Variants in GALNT10 observed in about 807,000 individuals in gnomAD.
GALNT10 encodes the protein polypeptide N-acetylgalactosaminyltransferase 10.
In GALNT10, 41 loss-of-function variants were observed where a neutral mutation model predicts 75.0. The ratio of observed to expected loss-of-function variants is 0.55; its 90% CI spans 0.43 to 0.71. The LOEUF is 0.71. GALNT10 is among the 30% of genes least tolerant of loss of function. The probability of loss-of-function intolerance (pLI) is 0.00; values close to 1 mark genes in which losing one functional copy is unlikely to be tolerated. For missense variants in GALNT10, 727 were observed against 818.5 expected (o/e 0.89, Z 1.36); for synonymous variants, 302 against 313.0 (o/e 0.96, Z 0.37).
intron 4 of GALNT10, among the ~76,000 whole-genome samples, chr5:154,334,082 CA>C: frequency 6.6e-6 from 1 of 152,218 alleles, no homozygotes; most frequent in Non-Finnish European, 1.5e-5. Context: ...AGCTGAAATT[CA>C]TAGATGCTAA....
intron 4 of GALNT10, among the ~76,000 whole-genome samples, chr5:154,331,152 A>G (rs1447642442): frequency 6.6e-6 from 1 of 152,112 alleles, no homozygotes; most frequent in Non-Finnish European, 1.5e-5. Context: ...GGACTACCAC[A>G]TTGGTCCTGT....
Position 154,409,968 on chromosome 5 carries a change from CT to C in GALNT10, c.1386+209del, listed in dbSNP as rs1373546821. ...TGTTCTCAGTGTAGAAAAATTAAAA[CT>C]TTAAGTTATTAGCATGAATTTTACC... is the stretch of plus-strand genomic sequence containing the variant. On this transcript the variant is annotated intron_variant, in intron 9 of 11. Transcript: ENST00000297107. This position sits in a 1 kb window ranked among gnomAD's most constrained non-coding sequence, Gnocchi z 4.5. 6.6e-6 allele frequency among the ~76,000 whole-genome samples: 1 copy of C among 152,124 alleles called. No homozygotes were observed. Among genetic ancestry groups the C allele is most frequent in the African/African-American group, 2.4e-5 (1 of 41,410 alleles).
intron 1 of GALNT10, among the ~76,000 whole-genome samples, chr5:154,276,294 C>T (rs1049743928): frequency 1.3e-5 from 2 of 152,158 alleles, no homozygotes; most frequent in Non-Finnish European, 2.9e-5. Context: ...GGTTTTTGTG[C>T]AGGCCAGGGG....
chr5:154,217,902 T>C (rs1280137661), intron 1 of GALNT10: 3 of 568,996 alleles, frequency 5.3e-6, no homozygotes, highest in Non-Finnish European at 6.7e-6. Flanking sequence ...TTGGAGAGAC[T>C]GTTGTACTTT....
At chr5:154,279,058 C>A (rs1184859104) in intron 1 of GALNT10, among the ~76,000 whole-genome samples, 1 of 152,152 alleles carries the variant, frequency 6.6e-6, no homozygotes, top group East Asian at 1.9e-4. Flanking sequence ...CTTTTAGATA[C>A]ATACCTAAAA....
At chr5:154,400,714 T>A in intron 7 of GALNT10, among the ~76,000 whole-genome samples, 1 of 152,096 alleles carries the variant, frequency 6.6e-6, no homozygotes, top group East Asian at 1.9e-4. Context: ...GAGAAGCCCC[T>A]GAGGAGGTGG....
Position 154,352,569 on chromosome 5 carries a change from G to A in GALNT10, c.568+22831G>A, listed in dbSNP as rs561248026. Among the ~76,000 whole-genome samples the A allele has an allele frequency of 1.3e-5, 2 of 152,300 alleles. No homozygotes were observed. Among genetic ancestry groups the A allele is most frequent in the Admixed American group, 6.5e-5 (1 of 15,304 alleles). On this transcript the variant is annotated intron_variant, in intron 4 of 11. Transcript: ENST00000297107. The surrounding 1 kb of genome is among the most constrained non-coding windows in gnomAD (Gnocchi z 4.4). ...ATCGCACAGCTAGTAAACGGAAGCT[G>A]GGAGCTTCCCTGGGCTGGGTGGGCC...
intron 7 of GALNT10, chr5:154,392,413 C>G (rs1033407934): frequency 6.6e-6 from 1 of 152,130 alleles, no homozygotes; most frequent in African/African-American, 2.4e-5. Flanking sequence ...TTGGTACTAC[C>G]CTTCCCAGAC....
chr5:154,406,010 G>A (rs1183491392), intron 8 of GALNT10: 5 of 151,820 alleles, frequency 3.3e-5, no homozygotes, highest in Non-Finnish European at 7.4e-5. Flanking sequence ...TTCGAGCCAG[G>A]CATGCAAAGC....
chr5:154,252,073 C>A (rs910831486), intron 1 of GALNT10, among the ~76,000 whole-genome samples: 3 of 152,052 alleles, frequency 2.0e-5, no homozygotes, highest in African/African-American at 7.2e-5. Flanking sequence ...TCTTGTCTTA[C>A]CCATGTTATA....
At chr5:154,288,443 T>TG (rs1754145780) in intron 1 of GALNT10, among the ~76,000 whole-genome samples, 3 of 148,774 alleles carry the variant, frequency 2.0e-5, no homozygotes, top group South Asian at 2.1e-4. Flanking sequence ...TGTGTGTGTG[T>TG]TTGAACACTA....
In GALNT10 at chr5:154,350,564, C is replaced by A. The variant is rs543816976; in HGVS notation, c.568+20826C>A. Among the ~76,000 whole-genome samples, 3 of 152,240 alleles carry A rather than the reference C, an allele frequency of 2.0e-5. No homozygotes were observed. The South Asian group carries it at 6.2e-4, about 32-fold the overall frequency. ...CATAATGCTGCTTATCATACAAAAA[C>A]CAATGGAAGTAGCCAGTAGCATGCT... On this transcript the variant is annotated intron_variant, in intron 4 of 11. Coordinates refer to ENST00000297107, the MANE Select transcript of GALNT10 (RefSeq NM_198321.4).
rs200382013 is a variant in GALNT10, at chr5:154,320,357, C to CT, written c.402-9214dup. On this transcript the variant is annotated intron_variant, in intron 3 of 11. Transcript: ENST00000297107. ...TTAATGCATGATGGTGTTTGTGTGTCTAACTGCAGGCTGTGGGGCCCGGCT... is the reference window on the plus strand; with the variant it reads ...TTAATGCATGATGGTGTTTGTGTGTCTTAACTGCAGGCTGTGGGGCCCGGCT... Among the ~76,000 whole-genome samples the CT allele has an allele frequency of 9.2e-3, 1,397 of 152,292 alleles. 15 individuals carry two copies. The highest frequency in any genetic ancestry group is 0.032 in the African/African-American group (1,319 of 41,556).
At chr5:154,318,047 C>T (rs1754621037) in intron 3 of GALNT10, among the ~76,000 whole-genome samples, 1 of 152,230 alleles carries the variant, frequency 6.6e-6, no homozygotes, top group South Asian at 2.1e-4. Context: ...AGGTGCCTGT[C>T]CTAGAACTAC....
chr5:154,288,239 A>G (rs1236316280), intron 1 of GALNT10, among the ~76,000 whole-genome samples: 1 of 152,200 alleles, frequency 6.6e-6, no homozygotes, highest in Non-Finnish European at 1.5e-5. Flanking sequence ...TAGCCAGCTC[A>G]GCCAGAGATG....
chr5:154,274,759 A>G (rs1034241484), intron 1 of GALNT10, among the ~76,000 whole-genome samples: 1 of 152,236 alleles, frequency 6.6e-6, no homozygotes, highest in African/African-American at 2.4e-5. Context: ...TAATAAACTA[A>G]AAATCAAGAA....
At chr5:154,219,834 T>TCACACACACACA (rs763537693) in intron 1 of GALNT10, among the ~76,000 whole-genome samples, 4,643 of 129,420 alleles carry the variant, frequency 0.036, 126 homozygotes, top group Admixed American at 0.095. Context: ...TCTCTCTCTC[T>TCACACACACACA]CTCTCACACA....
chr5:154,308,389 C>T (rs1581966450), intron 3 of GALNT10, among the ~76,000 whole-genome samples: 1 of 151,934 alleles, frequency 6.6e-6, no homozygotes, highest in Non-Finnish European at 1.5e-5. Context: ...GAGTTTGGCT[C>T]GAGGAGTAGA....
chr5:154,218,133 G>A (rs1752912453), intron 1 of GALNT10: 1 of 985,144 alleles, frequency 1.0e-6, no homozygotes, highest in Non-Finnish European at 1.2e-6. Flanking sequence ...CTGCCTTCGT[G>A]GAGTGGGCAT....
Sources: allele counts gnomAD v4.1 joint callset (sites outside exome capture counted in the v4.1 genomes callset), GRCh38; gene constraint gnomAD v4.1.1; non-coding constraint Gnocchi (gnomAD v3.1); transcripts MANE v1.5; gene names NCBI Gene and HGNC (gene_info 2026-07-23, HGNC 2026-07-21).